The following HCN4 variants were observed in gnomAD, a reference collection of about 807,000 sequenced individuals.
HCN4 encodes potassium/sodium hyperpolarization-activated cyclic nucleotide-gated channel 4.
A neutral mutation model predicts 76.9 loss-of-function variants in HCN4; 29 were observed. The ratio of observed to expected loss-of-function variants is 0.38; its 90% CI spans 0.28 to 0.51. The LOEUF (loss-of-function observed/expected upper bound fraction) is 0.51. HCN4 is among the 20% of genes least tolerant of loss of function. The pLI, the probability that HCN4 is intolerant of heterozygous loss-of-function variation, is 0.90. For missense variants in HCN4, 1,416 were observed against 1,715.2 expected (o/e 0.83, Z 3.08); for synonymous variants, 772 against 762.5 (o/e 1.01, Z -0.21).
chr15:73,368,234 A>G lies in HCN4; in HGVS notation c.37T>C (p.Tyr13His), dbSNP rs1438584059. The G allele has an allele frequency of 3.3e-6, 5 of 1,515,864 alleles. No individual in the cohort carries two copies. Among genetic ancestry groups the G allele is most frequent in the Non-Finnish European group, 4.4e-6 (5 of 1,134,368 alleles). 93.9% of individuals were successfully genotyped at this position (1,515,864 alleles called of 1,614,324 possible). Residue 13 changes from tyrosine to histidine, a missense_variant, in exon 1 of 8, where the codon TAC becomes CAC. Tyr to His is a moderately conservative substitution (Grantham distance 83, BLOSUM62 2). Around this residue, in one of 6 missense-constraint regions of HCN4, gnomAD observed 355 missense variants for 347.8 expected, o/e 1.02. Transcript: ENST00000261917. This position sits in a 1 kb window ranked among gnomAD's most constrained non-coding sequence, Gnocchi z 6.9. ...KLPPSMRKRL[Y>H]SLPQQVGAKA... ...GCCCCCACCTGCTGCGGGAGGCTGTAGAGCCGCTTGCGCATGGACGGCGGC... is the reference window on the plus strand; with the variant it reads ...GCCCCCACCTGCTGCGGGAGGCTGTGGAGCCGCTTGCGCATGGACGGCGGC...
At position 73,322,975 on chromosome 15, in the gene HCN4, T is replaced by A. The variant is rs2042871525; in HGVS notation, c.3118A>T (p.Ser1040Cys). Residue 1040 changes from serine (S) to cysteine (C), a missense_variant, in exon 8 of 8, where the codon AGT (serine) becomes TGT (cysteine). Ser to Cys is a moderately radical substitution (Grantham distance 112). Transcript: ENST00000261917. ...GAGCCAGAGGCCCGGGGCGGGGCACTCGGGAAGGTTCTTGGGGGGCCTGGG... is the reference window on the plus strand; with the variant it reads ...GAGCCAGAGGCCCGGGGCGGGGCACACGGGAAGGTTCTTGGGGGGCCTGGG... ...HSPGPPRTFPSAPPRASGSHG... is the reference protein window; with the variant it reads ...HSPGPPRTFPCAPPRASGSHG... The A allele has an allele frequency of 7.0e-7, 1 of 1,423,892 alleles. No individual in the cohort carries two copies. Among genetic ancestry groups the A allele is most frequent in the African/African-American group, 1.4e-5 (1 of 69,220 alleles). The allele number at this position is 1,423,892 out of a possible 1,614,324, so 88.2% of individuals were successfully genotyped here. A position where few individuals can be genotyped will look rare whatever the true frequency, so the allele number is the denominator to read the frequency against.
rs114677945 is a variant in HCN4 at position 73,364,780 on chromosome 15, T to A, written c.785+2706A>T. ...GCCCAGAAAAGCCTATGATTAGCCA[T>A]GGCCCAGGTTATGCTGGTCCCTCAA... On this transcript the variant is annotated intron_variant, in intron 1 of 7. Coordinates refer to ENST00000261917, the MANE Select transcript of HCN4 (RefSeq NM_005477.3). 3.9e-3 allele frequency among the ~76,000 whole-genome samples: 591 copies of A among 152,208 alleles called. 8 individuals are homozygous for A. Among genetic ancestry groups the A allele is most frequent in the African/African-American group, 0.013 (555 of 41,532 alleles).
At position 73,323,071 on chromosome 15, in the gene HCN4, C is replaced by T; in HGVS notation, c.3022G>A (p.Ala1008Thr). Residue 1008 changes from alanine (A) to threonine (T), a missense_variant, in exon 8 of 8, where the codon GCA becomes ACA. Coordinates refer to ENST00000261917, the MANE Select transcript of HCN4 (RefSeq NM_005477.3). ...PRQPEPPSLVAGASGGASPVG... is the reference protein window; with the variant it reads ...PRQPEPPSLVTGASGGASPVG... ...GGGGAAGCCCCCCCAGAGGCCCCTG[C>T]CACAAGGGACGGCGGCTCAGGCTGC... 1.3e-6 allele frequency: 2 copies of T among 1,557,138 alleles called. No homozygotes were observed. Among genetic ancestry groups the T allele is most frequent in the Non-Finnish European group, 1.7e-6 (2 of 1,156,116 alleles).
At chr15:73,363,771 T>C (rs2043116791) in intron 1 of HCN4, among the ~76,000 whole-genome samples, 1 of 152,184 alleles carries the variant, frequency 6.6e-6, no homozygotes, top group African/African-American at 2.4e-5. Flanking sequence ...TCACGGCTCC[T>C]CTGACAGCTC....
chr15:73,346,179 C>T (rs1209480096), intron 1 of HCN4, among the ~76,000 whole-genome samples: 2 of 152,162 alleles, frequency 1.3e-5, no homozygotes, highest in African/African-American at 4.8e-5. Flanking sequence ...TGGAACATCA[C>T]AGAGCTGCTG....
rs868149827 is a variant in HCN4, at chr15:73,368,213, C to A, written c.58G>T (p.Gly20Trp). 1.3e-5 allele frequency: 20 copies of A among 1,530,658 alleles called. No individual in the cohort carries two copies. The highest frequency in any genetic ancestry group is 1.7e-5 in the Non-Finnish European group (19 of 1,140,748). 94.8% of individuals were successfully genotyped at this position (1,530,658 alleles called of 1,614,324 possible). Residue 20 changes from glycine to tryptophan, a missense_variant, in exon 1 of 8, where the codon GGG (glycine) becomes TGG (tryptophan). Physicochemically the swap from Gly to Trp is radical, Grantham distance 184 (BLOSUM62 -2). Around this residue, in one of 6 missense-constraint regions of HCN4, gnomAD observed 355 missense variants for 347.8 expected, o/e 1.02. Transcript: ENST00000261917. This position sits in a 1 kb window ranked among gnomAD's most constrained non-coding sequence, Gnocchi z 6.9. ...KRLYSLPQQV[G>W]AKAWIMDEEE... ...TCGTCCATGATCCACGCCTTGGCCCCCACCTGCTGCGGGAGGCTGTAGAGC... is the reference window on the plus strand; with the variant it reads ...TCGTCCATGATCCACGCCTTGGCCCACACCTGCTGCGGGAGGCTGTAGAGC...
At position 73,323,694 on chromosome 15, in the gene HCN4, C is replaced by A. The variant is rs375180021; in HGVS notation, c.2399G>T (p.Arg800Leu). Residue 800 changes from arginine (R) to leucine (L), a missense_variant, in exon 8 of 8, where the codon CGC (arginine) becomes CTC (leucine). Around this residue, in one of 6 missense-constraint regions of HCN4, gnomAD observed 633 missense variants for 579.8 expected, o/e 1.09. Transcript: ENST00000261917. ...SVAIALTHHP[R>L]LPAAIFRPPP... ...AGGGCGGAAGATGGCAGCAGGCAGG[C>A]GAGGGTGGTGGGTGAGGGCTATGGC... The A allele has an allele frequency of 1.3e-6, 2 of 1,593,588 alleles. No individual in the cohort carries two copies. Among genetic ancestry groups the A allele is most frequent in the Admixed American group, 1.7e-5 (1 of 59,340 alleles).
chr15:73,367,914 G>T lies in HCN4; in HGVS notation c.357C>A (p.His119Gln). 1 of 1,383,710 alleles carries T rather than the reference G, an allele frequency of 7.2e-7. No individual in the cohort carries two copies. Among genetic ancestry groups the T allele is most frequent in the Non-Finnish European group, 9.3e-7 (1 of 1,071,148 alleles). The allele number at this position is 1,383,710 out of a possible 1,614,324, so 85.7% of individuals were successfully genotyped here. ...CCTCCGCGGAGTCATGCAGGTGTCC[G>T]TGACTGCTGCCGCTCCCCGTGCCGC... ...GSGGTGSGSS[H>Q]GHLHDSAEER... Residue 119 changes from histidine to glutamine, a missense_variant, in exon 1 of 8, where the codon CAC becomes CAA. Around this residue, in one of 6 missense-constraint regions of HCN4, gnomAD observed 355 missense variants for 347.8 expected, o/e 1.02. Transcript: ENST00000261917. This position sits in a 1 kb window ranked among gnomAD's most constrained non-coding sequence, Gnocchi z 7.5.
At position 73,328,826 on chromosome 15, in the gene HCN4, G is replaced by A. The variant is rs2042915274; in HGVS notation, c.1590+747C>T. Among the ~76,000 whole-genome samples, 3 of 152,182 alleles carry A rather than the reference G, an allele frequency of 2.0e-5. No individual in the cohort carries two copies. The highest frequency in any genetic ancestry group is 1.3e-4 in the Admixed American group (2 of 15,282). ...GTTGGGATGCAGAGAAGGAGCTGTG[G>A]CTTTGAGGTAGGCATTGATGACAGA... On this transcript the variant is annotated intron_variant, in intron 4 of 7. Transcript: ENST00000261917. The surrounding 1 kb of genome is among the most constrained non-coding windows in gnomAD (Gnocchi z 4.0).
Position 73,332,275 on chromosome 15 carries a change from G to A in HCN4, c.1227C>T (p.Tyr409=), listed in dbSNP as rs562792789. Residue 409 remains tyrosine (Y), a synonymous_variant, in exon 3 of 8, where the codon TAC becomes TAT. Coordinates refer to ENST00000261917, the MANE Select transcript of HCN4 (RefSeq NM_005477.3). Reference sequence around the variant, plus strand: ...TGCGCACCACGGCGCTGGCCAGGTCGTAGGTCATGTGGAAGATCTGCCAGC... The same window carrying A: ...TGCGCACCACGGCGCTGGCCAGGTCATAGGTCATGTGGAAGATCTGCCAGC... ...HQWEEIFHMT[Y]DLASAVVRIV... 8.7e-6 allele frequency: 14 copies of A among 1,614,232 alleles called. No individual in the cohort carries two copies. The highest frequency in any genetic ancestry group is 4.5e-5 in the East Asian group (2 of 44,876).
chr15:73,324,747 A>G lies in HCN4; in HGVS notation c.1978+208T>C, dbSNP rs546144120. On this transcript the variant is annotated intron_variant, in intron 6 of 7. Coordinates refer to ENST00000261917, the MANE Select transcript of HCN4 (RefSeq NM_005477.3). ...GCCAGCCTCCAGAACCATGACACATACATTTCTGCAGTTTACAAGCCACCC... is the reference window on the plus strand; with the variant it reads ...GCCAGCCTCCAGAACCATGACACATGCATTTCTGCAGTTTACAAGCCACCC... Among the ~76,000 whole-genome samples, 4 of 152,244 alleles carry G rather than the reference A, an allele frequency of 2.6e-5. No homozygotes were observed. The East Asian group carries it at 7.7e-4, about 29-fold the overall frequency.
intron 1 of HCN4, among the ~76,000 whole-genome samples, chr15:73,364,731 G>A (rs1285545707): frequency 4.6e-5 from 7 of 152,164 alleles, no homozygotes; most frequent in Non-Finnish European, 1.0e-4. Flanking sequence ...TCGGGGGCAG[G>A]TAGAGTAATG....
At position 73,328,312 on chromosome 15, in the gene HCN4, G is replaced by A. The variant is rs1022983508; in HGVS notation, c.1590+1261C>T. Among the ~76,000 whole-genome samples, 4 of 152,044 alleles carry A rather than the reference G, an allele frequency of 2.6e-5. No homozygotes were observed. The highest frequency in any genetic ancestry group is 4.8e-5 in the African/African-American group (2 of 41,406). On this transcript the variant is annotated intron_variant, in intron 4 of 7. Transcript: ENST00000261917. The surrounding 1 kb of genome is among the most constrained non-coding windows in gnomAD (Gnocchi z 4.0). ...GGAGCAGGCATGGGGAGAGAAGTCT[G>A]GCCAGGCTGAAATAAAGGGTGCAAG...
rs2042850991 is a variant in HCN4 at position 73,320,508 on chromosome 15, A to AT, written c.*1972dup. 6.6e-6 allele frequency: 1 copy of AT among 152,202 alleles called. No individual in the cohort carries two copies. Among genetic ancestry groups the AT allele is most frequent in the African/African-American group, 2.4e-5 (1 of 41,428 alleles). The allele number at this position is 152,202 out of a possible 1,614,324, so 9.4% of individuals were successfully genotyped here. ...TTCTCATTACTTGGGGATTGCAGCC[A>AT]TACCTGCTCTGGCCCTATAGGCAGG... On this transcript the variant is annotated 3_prime_UTR_variant, in exon 8 of 8. Coordinates refer to ENST00000261917, the MANE Select transcript of HCN4 (RefSeq NM_005477.3).
chr15:73,361,646 T>C (rs533596873), intron 1 of HCN4, among the ~76,000 whole-genome samples: 37 of 152,274 alleles, frequency 2.4e-4, no homozygotes, highest in Middle Eastern at 3.4e-3. Context: ...AATTCCTCCA[T>C]GGTGGTCAGT....
At position 73,367,770 on chromosome 15, in the gene HCN4, CGGCGGCGGCGAGGCTGCG is replaced by C; in HGVS notation, c.483_500del (p.Ala162_Pro167del). ...AGGCCGGCTGCGGTGGCTGCTGGGG[CGGCGGCGGCGAGGCTGCG>C]GGCTGCGCCGAGGCGCCGGGGCGCT... On this transcript the variant is annotated inframe_deletion, in exon 1 of 8. Coordinates refer to ENST00000261917, the MANE Select transcript of HCN4 (RefSeq NM_005477.3). The surrounding 1 kb of genome is among the most constrained non-coding windows in gnomAD (Gnocchi z 7.5). 1 of 1,494,238 alleles carries C rather than the reference CGGCGGCGGCGAGGCTGCG, an allele frequency of 6.7e-7. No homozygotes were observed. Among genetic ancestry groups the C allele is most frequent in the East Asian group, 2.6e-5 (1 of 38,472 alleles). The allele number at this position is 1,494,238 out of a possible 1,614,324, so 92.6% of individuals were successfully genotyped here.
chr15:73,320,108 GACCC>G lies in HCN4; in HGVS notation c.*2369_*2372del, dbSNP rs2042847677. 1 of 152,308 alleles carries G rather than the reference GACCC, an allele frequency of 6.6e-6. No individual in the cohort carries two copies. The allele number at this position is 152,308 out of a possible 1,614,324, so 9.4% of individuals were successfully genotyped here. On this transcript the variant is annotated 3_prime_UTR_variant, in exon 8 of 8. Coordinates refer to ENST00000261917, the MANE Select transcript of HCN4 (RefSeq NM_005477.3). ...GGCAAGGGGGCTCCTCATGGCCCTGGACCCTCCACCTTCACCCCTGCTGCCTCCA... is the reference window on the plus strand; with the variant it reads ...GGCAAGGGGGCTCCTCATGGCCCTGGTCCACCTTCACCCCTGCTGCCTCCA...
chr15:73,346,685 C>T (rs572234847), intron 1 of HCN4, among the ~76,000 whole-genome samples: 15 of 152,270 alleles, frequency 9.9e-5, no homozygotes, highest in Admixed American at 2.6e-4. Context: ...TGTAAGAAAC[C>T]ATCCCTATGA....
chr15:73,325,324 C>T lies in HCN4; in HGVS notation c.1711G>A (p.Gly571Ser). ...GKMFDEESILGELSEPLREEI... is the reference protein window; with the variant it reads ...GKMFDEESILSELSEPLREEI... ...TCCCGCAGGGGCTCGCTTAGCTCGCCCAGGATGCTCTCCTCGTCGAACATC... is the reference window on the plus strand; with the variant it reads ...TCCCGCAGGGGCTCGCTTAGCTCGCTCAGGATGCTCTCCTCGTCGAACATC... Residue 571 changes from glycine to serine, a missense_variant, in exon 5 of 8, where the codon GGC (glycine) becomes AGC (serine). Coordinates refer to ENST00000261917, the MANE Select transcript of HCN4 (RefSeq NM_005477.3). The surrounding 1 kb of genome is among the most constrained non-coding windows in gnomAD (Gnocchi z 7.4). 2 of 1,614,108 alleles carry T rather than the reference C, an allele frequency of 1.2e-6. No homozygotes were observed. The highest frequency in any genetic ancestry group is 1.7e-6 in the Non-Finnish European group (2 of 1,179,994).
Sources: gnomAD v4.1 joint callset for allele counts (sites outside exome capture counted in the v4.1 genomes callset) on GRCh38, gnomAD v4.1.1 for gene constraint, gnomAD v4.1.1 regional missense constraint, Gnocchi (gnomAD v3.1) non-coding constraint, MANE v1.5 for transcripts, NCBI Gene and HGNC (gene_info 2026-07-23, HGNC 2026-07-21) for gene names.